The following FSIP1 variants were observed in gnomAD, a reference collection of about 807,000 sequenced individuals.
The protein encoded by FSIP1 is fibrous sheath interacting protein 1.
Under a neutral mutation model 60.9 loss-of-function variants are expected in FSIP1, and 65 were observed. The observed-to-expected ratio is 1.07, with a 90% CI of 0.87 to 1.31. The LOEUF is 1.31. Ranked by LOEUF, FSIP1 falls within the 40% of genes most tolerant of loss-of-function variation. The probability of loss-of-function intolerance (pLI) is 0.00; values close to 1 mark genes in which losing one functional copy is unlikely to be tolerated. For missense variants in FSIP1, 675 were observed against 665.5 expected, an observed-to-expected ratio of 1.01 and a Z score of -0.16; for synonymous variants, 209 against 221.2, an observed-to-expected ratio of 0.94 and a Z score of 0.49.
chr15:39,744,175 G>T (rs114717471), intron 5 of FSIP1, among the ~76,000 whole-genome samples: 2,240 of 152,250 alleles, frequency 0.015, 64 homozygotes, highest in African/African-American at 0.052. Flanking sequence ...TCTGGATAGA[G>T]AGTATTTGAG....
chr15:39,732,493 T>C (rs1310930393), intron 8 of FSIP1, among the ~76,000 whole-genome samples: 1 of 151,780 alleles, frequency 6.6e-6, no homozygotes, highest in Non-Finnish European at 1.5e-5. Flanking sequence ...GTGGCAGGCA[T>C]CTGTAATCCC....
chr15:39,701,371 G>A (rs1895053011), intron 10 of FSIP1, among the ~76,000 whole-genome samples: 1 of 152,210 alleles, frequency 6.6e-6, no homozygotes, highest in Non-Finnish European at 1.5e-5. Flanking sequence ...CATGTAGGTT[G>A]TGTGTGATTA....
rs538160646 is a variant in FSIP1 at position 39,740,383 on chromosome 15, C to T, written c.656-594G>A. ...TGAGTCAATGTCTGAGATATTCAGA[C>T]ACCGAGTGCTCAAAATAAGAATAAG... On this transcript the variant is annotated intron_variant, in intron 6 of 11. Coordinates refer to ENST00000350221, the MANE Select transcript of FSIP1 (RefSeq NM_152597.5). Among the ~76,000 whole-genome samples the T allele has an allele frequency of 7.2e-5, 11 of 152,314 alleles. No individual in the cohort carries two copies. In the South Asian group the frequency reaches 2.1e-3, roughly 29 times the overall value.
At position 39,713,483 on chromosome 15, in the gene FSIP1, T is replaced by C. The variant is rs375766014; in HGVS notation, c.1149A>G (p.Arg383=). The change falls in exon 10 of 12, where the codon AGA becomes AGG. Residue 383 remains arginine, a synonymous_variant. Transcript: ENST00000350221. ...TCATTTTCAGCTTTTCATCAATCTC[T>C]CTCAGCCGATTATGCAGATCGCGTT... ...KEQRDLHNRL[R]EIDEKLKMMK... 5.0e-6 allele frequency: 8 copies of C among 1,607,640 alleles called. No individual in the cohort carries two copies. In the African/African-American group the frequency reaches 9.4e-5, roughly 19 times the overall value.
At chr15:39,617,656 T>C (rs1381320716) in intron 11 of FSIP1, 79 bp downstream of exon 11, 1 of 1,249,476 alleles carries the variant, frequency 8.0e-7, no homozygotes, top group South Asian at 1.4e-5. Context: ...CTTACCCGAC[T>C]CTAATTTAAA....
chr15:39,666,694 C>A (rs937875660), intron 10 of FSIP1, among the ~76,000 whole-genome samples: 2 of 152,134 alleles, frequency 1.3e-5, no homozygotes, highest in East Asian at 1.9e-4. Context: ...GTTTTCTTAG[C>A]GGCAGCACTG....
At chr15:39,710,393 G>A (rs907672536) in intron 10 of FSIP1, among the ~76,000 whole-genome samples, 1 of 149,820 alleles carries the variant, frequency 6.7e-6, no homozygotes, top group Non-Finnish European at 1.5e-5. Context: ...TGAGGTGGGA[G>A]GACTACCTGC....
intron 8 of FSIP1, among the ~76,000 whole-genome samples, chr15:39,730,361 A>G (rs1337610858): frequency 6.6e-6 from 1 of 152,240 alleles, no homozygotes; most frequent in African/African-American, 2.4e-5. Flanking sequence ...ACAGTGGTTC[A>G]AACCCTGGGG....
At chr15:39,718,201 C>T in intron 9 of FSIP1, among the ~76,000 whole-genome samples, 1 of 151,946 alleles carries the variant, frequency 6.6e-6, no homozygotes, top group East Asian at 1.9e-4. Flanking sequence ...AAAACTCTAA[C>T]ATAGATATAT....
intron 10 of FSIP1, among the ~76,000 whole-genome samples, chr15:39,627,960 G>C (rs193284188): frequency 3.9e-5 from 6 of 152,206 alleles, no homozygotes; most frequent in African/African-American, 7.2e-5. Context: ...CGTGGGCCTG[G>C]AAGCACAGGG....
At chr15:39,749,402 T>C (rs1162400531) in intron 5 of FSIP1, among the ~76,000 whole-genome samples, 6 of 134,140 alleles carry the variant, frequency 4.5e-5, no homozygotes, top group Non-Finnish European at 9.5e-5. Flanking sequence ...AACATTGATG[T>C]AAAAATCCTT....
chr15:39,690,621 T>G (rs1371779401), intron 10 of FSIP1, among the ~76,000 whole-genome samples: 3 of 152,190 alleles, frequency 2.0e-5, no homozygotes, highest in African/African-American at 4.8e-5. Flanking sequence ...ATAGAAAGCC[T>G]GATGAGTCCA....
At chr15:39,737,634 AT>A (rs1896658156) in intron 8 of FSIP1, among the ~76,000 whole-genome samples, 1 of 152,230 alleles carries the variant, frequency 6.6e-6, no homozygotes, top group Non-Finnish European at 1.5e-5. Context: ...GAAAACCTCA[AT>A]AAAAATAATT....
Position 39,688,694 on chromosome 15 carries a change from G to A in FSIP1, c.1188+24750C>T, listed in dbSNP as rs553812870. On this transcript the variant is annotated intron_variant, in intron 10 of 11. Coordinates refer to ENST00000350221, the MANE Select transcript of FSIP1 (RefSeq NM_152597.5). ...TCCAGATTCTAAGTCCTATGCAGAAGCACAGCCCTGTTCCACATTGAGTGT... is the reference window on the plus strand; with the variant it reads ...TCCAGATTCTAAGTCCTATGCAGAAACACAGCCCTGTTCCACATTGAGTGT... Among the ~76,000 whole-genome samples, 4 of 152,308 alleles carry A rather than the reference G, an allele frequency of 2.6e-5. No individual in the cohort carries two copies. The East Asian group carries it at 7.7e-4, about 29-fold the overall frequency.
chr15:39,643,730 C>G (rs1892471657), intron 10 of FSIP1, among the ~76,000 whole-genome samples: 1 of 152,162 alleles, frequency 6.6e-6, no homozygotes, highest in African/African-American at 2.4e-5. Flanking sequence ...GTGGGAACAT[C>G]AAGTCTGGTC....
At chr15:39,681,987 AT>A (rs1237566747) in intron 10 of FSIP1, among the ~76,000 whole-genome samples, 5 of 152,204 alleles carry the variant, frequency 3.3e-5, no homozygotes, top group East Asian at 3.9e-4. Context: ...CACAAACAGG[AT>A]TTTTTTTAAA....
intron 7 of FSIP1, among the ~76,000 whole-genome samples, chr15:39,738,702 A>T (rs961431032): frequency 1.3e-5 from 2 of 152,112 alleles, no homozygotes; most frequent in African/African-American, 4.8e-5. Context: ...TAAGGGGGGA[A>T]CTCTACTCCT....
chr15:39,602,521 G>A (rs1183816541), intron 11 of FSIP1, among the ~76,000 whole-genome samples: 1 of 152,144 alleles, frequency 6.6e-6, no homozygotes, highest in Non-Finnish European at 1.5e-5. Flanking sequence ...ACTCAACCTT[G>A]TAATGAAGGG....
chr15:39,771,438 C>G (rs1225736512), intron 2 of FSIP1, among the ~76,000 whole-genome samples: 1 of 152,244 alleles, frequency 6.6e-6, no homozygotes, highest in Non-Finnish European at 1.5e-5. Flanking sequence ...CCACCACAAT[C>G]TGCAGTCCCC....
Sources: allele counts gnomAD v4.1 joint callset (sites outside exome capture counted in the v4.1 genomes callset), GRCh38; gene constraint gnomAD v4.1.1; transcripts MANE v1.5; gene names NCBI Gene and HGNC (gene_info 2026-07-23, HGNC 2026-07-21).